The following ZNF415 variants were observed in gnomAD, a reference collection of about 807,000 sequenced individuals.
ZNF415 encodes the protein zinc finger protein 415.
In ZNF415, 5 loss-of-function variants were observed where a neutral mutation model predicts 7.3. That is an observed-to-expected ratio of 0.69 (90% CI 0.36 to 1.44). The LOEUF (loss-of-function observed/expected upper bound fraction) is 1.44, where lower values mean the gene tolerates loss of function less well. ZNF415 is among the 40% of genes most tolerant of loss of function. The probability of loss-of-function intolerance (pLI) is 0.04; values close to 1 mark genes in which losing one functional copy is unlikely to be tolerated. For synonymous variants in ZNF415, 207 were observed against 226.3 expected (o/e 0.91, Z 0.77); for missense variants, 628 against 664.8 (o/e 0.94, Z 0.61).
intron 1 of ZNF415, among the ~76,000 whole-genome samples, chr19:53,127,431 C>T (rs2089335470): frequency 6.6e-6 from 1 of 152,208 alleles, no homozygotes; most frequent in Non-Finnish European, 1.5e-5. Flanking sequence ...GTATTTATTT[C>T]CACTCATAGT....
At position 53,108,612 on chromosome 19, in the gene ZNF415, C is replaced by A. The variant is rs781138274; in HGVS notation, c.1433G>T (p.Ser478Ile). 6.2e-7 allele frequency: 1 copy of A among 1,614,186 alleles called. No individual in the cohort carries two copies. Among genetic ancestry groups the A allele is most frequent in the Admixed American group, 1.7e-5 (1 of 60,024 alleles). The change falls in exon 4 of 4, where the codon AGT (serine) becomes ATT (isoleucine). Residue 478 changes from serine (S) to isoleucine (I), a missense_variant. Ser to Ile is a moderately radical substitution (Grantham distance 142). Coordinates refer to ENST00000243643, the MANE Select transcript of ZNF415 (RefSeq NM_018355.4). ...YKCNQCGKGF[S>I]VHSSLTTHQV... is the part of the protein sequence containing the mutation. ...ATGGGTAGTTAGGCTTGAATGCACACTGAAGCCTTTGCCACATTGATTACA... is the reference window on the plus strand; with the variant it reads ...ATGGGTAGTTAGGCTTGAATGCACAATGAAGCCTTTGCCACATTGATTACA...
At position 53,122,511 on chromosome 19, in the gene ZNF415, T is replaced by G. The variant is rs960461060; in HGVS notation, c.15+151A>C. 4 of 1,589,990 alleles carry G rather than the reference T, an allele frequency of 2.5e-6. No homozygotes were observed. The African/African-American group carries it at 5.4e-5, about 21-fold the overall frequency. On this transcript the variant is annotated intron_variant, in intron 2 of 3. Transcript: ENST00000243643. ...GGGTGAGACGGAATCTCAGTAGAGA[T>G]GAGAAGGACTGAGGGAAGGCACGGG... is the stretch of plus-strand genomic sequence containing the variant.
rs2089522186 is a variant in ZNF415, at chr19:53,128,214, G to T, written c.-68+4642C>A. ...GGGCCTCTGGACAAAAGCAGGAATG[G>T]ACACAAACTGCTATCTGCAGGACAG... is the stretch of plus-strand genomic sequence containing the variant. On this transcript the variant is annotated intron_variant, in intron 1 of 3. Transcript: ENST00000243643. 3.9e-5 allele frequency among the ~76,000 whole-genome samples: 6 copies of T among 152,194 alleles called. No individual in the cohort carries two copies. In the South Asian group the frequency reaches 1.2e-3, roughly 32 times the overall value.
chr19:53,115,986 G>A, intron 3 of ZNF415: 2 of 632,758 alleles, frequency 3.2e-6, no homozygotes, highest in Admixed American at 2.9e-5. Flanking sequence ...AGGGAAGACT[G>A]TAATATGCAA....
At chr19:53,112,810 G>C (rs2086426951) in intron 3 of ZNF415, among the ~76,000 whole-genome samples, 1 of 152,200 alleles carries the variant, frequency 6.6e-6, no homozygotes, top group Admixed American at 6.5e-5. Flanking sequence ...CTTGGGGCCA[G>C]GCGTGGTGGC....
intron 1 of ZNF415, chr19:53,123,549 A>C (rs2088508895): frequency 5.0e-6 from 2 of 398,558 alleles, no homozygotes; most frequent in Non-Finnish European, 4.4e-6. Context: ...GCCCACGTGA[A>C]GGCCTTGAGG....
intron 1 of ZNF415, among the ~76,000 whole-genome samples, chr19:53,132,101 C>A (rs150759712): frequency 2.6e-4 from 40 of 152,274 alleles, no homozygotes; most frequent in South Asian, 6.2e-4. Flanking sequence ...CTTTTCTCTC[C>A]CTGCTACTTT....
At chr19:53,127,180 C>T in intron 1 of ZNF415, among the ~76,000 whole-genome samples, 1 of 149,336 alleles carries the variant, frequency 6.7e-6, no homozygotes, top group Non-Finnish European at 1.5e-5. Context: ...CAGACGCCCC[C>T]ACAACAAACC....
At position 53,109,141 on chromosome 19, in the gene ZNF415, A is replaced by G. The variant is rs982859412; in HGVS notation, c.904T>C (p.Cys302Arg). 5.6e-6 allele frequency: 9 copies of G among 1,614,076 alleles called. No homozygotes were observed. The highest frequency in any genetic ancestry group is 7.6e-6 in the Non-Finnish European group (9 of 1,180,014). ...CTGAAGACCTTGTCACACTCATAAC[A>G]TTTGTAAGGTTTCTCTCCAGTGTGA... ...RVHTGEKPYK[C>R]YECDKVFSRN... Residue 302 changes from cysteine to arginine, a missense_variant, in exon 4 of 4, where the codon TGT (cysteine) becomes CGT (arginine). Cys to Arg is a radical substitution (Grantham distance 180). Transcript: ENST00000243643.
intron 1 of ZNF415, among the ~76,000 whole-genome samples, chr19:53,125,691 T>A (rs560965216): frequency 6.7e-6 from 1 of 150,114 alleles, no homozygotes; most frequent in South Asian, 2.3e-4. Flanking sequence ...ACGCCTGTAA[T>A]CCCAGCACTT....
At position 53,116,355 on chromosome 19, in the gene ZNF415, TG is replaced by T; in HGVS notation, c.93del (p.Tyr31Ter). On this transcript the variant is annotated frameshift_variant, in exon 3 of 4. Transcript: ENST00000243643. LOFTEE classifies it low-confidence loss of function (END_TRUNC). ...KCLNSTQRTL[Y>X]RDVMLENYRN... ...CTGTAGTTCTCCAACATCACATCCC[TG>T]TATAAAGTCCTCTGTGTAGAGTTCA... is the stretch of plus-strand genomic sequence containing the variant. 6.2e-7 allele frequency: 1 copy of T among 1,613,286 alleles called. No individual in the cohort carries two copies. Among genetic ancestry groups the T allele is most frequent in the Middle Eastern group, 1.7e-4 (1 of 6,058 alleles).
At chr19:53,129,629 G>A (rs1206414742) in intron 1 of ZNF415, 4 of 399,352 alleles carry the variant, frequency 1.0e-5, no homozygotes, top group Non-Finnish European at 1.8e-5. Flanking sequence ...TGGGCTCACT[G>A]AGGCTGAGAG....
At chr19:53,118,405 C>A (rs1455318874) in intron 2 of ZNF415, among the ~76,000 whole-genome samples, 1 of 152,034 alleles carries the variant, frequency 6.6e-6, no homozygotes, top group Non-Finnish European at 1.5e-5. Context: ...AGAAAATTAA[C>A]AAAGAAACAC....
At chr19:53,127,746 G>A (rs968068588) in intron 1 of ZNF415, among the ~76,000 whole-genome samples, 35 of 151,896 alleles carry the variant, frequency 2.3e-4, no homozygotes, top group Non-Finnish European at 4.0e-4. Flanking sequence ...GTGTGGTGGC[G>A]CGTGCCTGTA....
Position 53,109,321 on chromosome 19 carries a change from T to C in ZNF415, c.724A>G (p.Lys242Glu), listed in dbSNP as rs1183998434. The change falls in exon 4 of 4, where the codon AAA (lysine) becomes GAA (glutamate). Residue 242 changes from lysine (K) to glutamate (E), a missense_variant. Transcript: ENST00000243643. The part of the protein sequence containing the change: ...TVRQVSHSGE[K>E]GYKCDLCGKV... The stretch of plus-strand genomic sequence containing the variant: ...CCACACAGATCACATTTATATCCTT[T>C]CTCTCCAGAATGACTTACCTGACGT... 1 of 1,614,086 alleles carries C rather than the reference T, an allele frequency of 6.2e-7. No individual in the cohort carries two copies. The highest frequency in any genetic ancestry group is 1.3e-5 in the African/African-American group (1 of 74,936).
chr19:53,116,318 G>C lies in ZNF415; in HGVS notation c.131C>G (p.Ser44Cys). 1 of 1,607,920 alleles carries C rather than the reference G, an allele frequency of 6.2e-7. No individual in the cohort carries two copies. Among genetic ancestry groups the C allele is most frequent in the Non-Finnish European group, 8.5e-7 (1 of 1,178,384 alleles). The change falls in exon 3 of 4, where the codon TCC becomes TGC. Residue 44 changes from serine to cysteine, a missense_variant. Ser to Cys is a moderately radical substitution (Grantham distance 112, BLOSUM62 -1). Transcript: ENST00000243643. ...VMLENYRNLVSLDLSRNCVIK... is the reference protein window; with the variant it reads ...VMLENYRNLVCLDLSRNCVIK... ...TGGAAGAAAATTATCCTCACCCAGG[G>C]AGACCAGGTTCCTGTAGTTCTCCAA... is the stretch of plus-strand genomic sequence containing the variant.
At position 53,109,050 on chromosome 19, in the gene ZNF415, T is replaced by C. The variant is rs992121239; in HGVS notation, c.995A>G (p.Glu332Gly). 1 of 1,613,678 alleles carries C rather than the reference T, an allele frequency of 6.2e-7. No homozygotes were observed. Among genetic ancestry groups the C allele is most frequent in the Non-Finnish European group, 8.5e-7 (1 of 1,179,760 alleles). ...CCTCACACTAAAGGCTTTGCCACAC[T>C]CTTTACATGTGTAAGGTTTCTCTCC... Reference protein sequence around the residue: ...HIGEKPYTCKECGKAFSVRST... With the variant: ...HIGEKPYTCKGCGKAFSVRST... Residue 332 changes from glutamate to glycine, a missense_variant, in exon 4 of 4, where the codon GAG becomes GGG. Physicochemically the swap from Glu to Gly is moderately conservative, Grantham distance 98. Coordinates refer to ENST00000243643, the MANE Select transcript of ZNF415 (RefSeq NM_018355.4).
chr19:53,126,498 AACTG>A (rs2089140460), intron 1 of ZNF415, among the ~76,000 whole-genome samples: 1 of 140,594 alleles, frequency 7.1e-6, no homozygotes, highest in Non-Finnish European at 1.6e-5. Flanking sequence ...GCGTGGGGCA[AACTG>A]ACTGCAGAAC....
intron 3 of ZNF415, chr19:53,116,082 T>G: frequency 1.6e-6 from 1 of 617,290 alleles, no homozygotes; most frequent in Non-Finnish European, 2.8e-6. Flanking sequence ...TACCATAAGC[T>G]TTCATGGATA....
Sources: allele counts gnomAD v4.1 joint callset (sites outside exome capture counted in the v4.1 genomes callset), GRCh38; gene constraint gnomAD v4.1.1; transcripts MANE v1.5; gene names NCBI Gene and HGNC (gene_info 2026-07-23, HGNC 2026-07-21).